LPIN1: variants seen among roughly 807,000 people sequenced by gnomAD.
LPIN1 encodes phosphatidate phosphatase LPIN1.
In LPIN1, 71 loss-of-function variants were observed where a neutral mutation model predicts 107.5. The observed-to-expected ratio is 0.66, with a 90% CI of 0.55 to 0.80. LPIN1 has a LOEUF of 0.80. LPIN1 is among the 30% of genes least tolerant of loss of function. The probability of loss-of-function intolerance (pLI) is 0.00; values close to 1 mark genes in which losing one functional copy is unlikely to be tolerated. For missense variants in LPIN1, 1,043 were observed against 1,160.6 expected (o/e 0.90, Z 1.47); for synonymous variants, 445 against 452.6 (o/e 0.98, Z 0.21).
At chr2:11,763,498 T>C (rs988038235) in intron 1 of LPIN1, among the ~76,000 whole-genome samples, 2 of 152,214 alleles carry the variant, frequency 1.3e-5, no homozygotes, top group African/African-American at 4.8e-5. Flanking sequence ...TCTCTTGGCC[T>C]GTCCCTTTCC....
At chr2:11,763,712 C>T (rs1670224647) in intron 1 of LPIN1, among the ~76,000 whole-genome samples, 2 of 152,004 alleles carry the variant, frequency 1.3e-5, no homozygotes, top group African/African-American at 4.8e-5. Context: ...CGGTTTCGCA[C>T]TCTCCATTCT....
At chr2:11,746,574 C>T, upstream of LPIN1, 2 of 902,934 alleles carry the variant, frequency 2.2e-6, no homozygotes, top group Non-Finnish European at 2.7e-6. Context: ...CTGCCCTCTG[C>T]CCCCGCCCCT....
At chr2:11,749,963 G>A (rs567011226) in intron 1 of LPIN1, among the ~76,000 whole-genome samples, 37 of 152,344 alleles carry the variant, frequency 2.4e-4, no homozygotes, top group African/African-American at 8.9e-4. Flanking sequence ...GCTCTGTAAG[G>A]AGGCCTGTTT....
intron 17 of LPIN1, chr2:11,805,473 A>G: frequency 4.2e-6 from 2 of 475,748 alleles, no homozygotes; most frequent in East Asian, 8.1e-5. Flanking sequence ...AGAGGTAGCC[A>G]GTTGAAGAAA....
At chr2:11,813,896 A>G (rs543019403) in intron 17 of LPIN1, among the ~76,000 whole-genome samples, 15 of 152,162 alleles carry the variant, frequency 9.9e-5, no homozygotes, top group Non-Finnish European at 1.6e-4. Flanking sequence ...CCTGGGGGAC[A>G]GAGCAAGACT....
At chr2:11,804,781 C>T (rs1295822756) in intron 16 of LPIN1, among the ~76,000 whole-genome samples, 2 of 152,080 alleles carry the variant, frequency 1.3e-5, no homozygotes, top group Admixed American at 6.5e-5. Flanking sequence ...ATTATCTCTT[C>T]GACTTGGTTG....
chr2:11,688,090 C>T (rs1338977867), intron 1 of LPIN1, among the ~76,000 whole-genome samples: 1 of 152,214 alleles, frequency 6.6e-6, no homozygotes, highest in African/African-American at 2.4e-5. Flanking sequence ...GGAGTTGAGC[C>T]TCTCCATAGT....
rs148004133 is a variant in LPIN1 at position 11,748,325 on chromosome 2, C to T, written c.-10+1654C>T. 9.6e-4 allele frequency among the ~76,000 whole-genome samples: 146 copies of T among 152,298 alleles called. 3 individuals are homozygous for T. The East Asian group carries it at 0.025, about 26-fold the overall frequency. ...TTTCAGAAGAAGGTCCTGAGGCCACCGTGGTCTGAGATGCGCCGAGGCCGG... is the reference window on the plus strand; with the variant it reads ...TTTCAGAAGAAGGTCCTGAGGCCACTGTGGTCTGAGATGCGCCGAGGCCGG... On this transcript the variant is annotated intron_variant, in intron 1 of 20. Coordinates refer to ENST00000674199, the MANE Select transcript of LPIN1 (RefSeq NM_001349206.2).
intron 1 of LPIN1, among the ~76,000 whole-genome samples, chr2:11,700,993 A>G (rs1162559244): frequency 6.6e-6 from 1 of 152,070 alleles, no homozygotes; most frequent in Non-Finnish European, 1.5e-5. Flanking sequence ...GCAGAGTCTA[A>G]TCTCTGTGCA....
chr2:11,752,612 T>C, intron 1 of LPIN1, among the ~76,000 whole-genome samples: 1 of 150,576 alleles, frequency 6.6e-6, no homozygotes, highest in Non-Finnish European at 1.5e-5. Context: ...TTTGTATTTT[T>C]AGTAGAGACG....
upstream of LPIN1, among the ~76,000 whole-genome samples, chr2:11,722,975 C>T (rs538864121): frequency 6.6e-6 from 1 of 152,314 alleles, no homozygotes; most frequent in African/African-American, 2.4e-5. Context: ...TTACTAGAAC[C>T]TACTACCCTG....
intron 17 of LPIN1, among the ~76,000 whole-genome samples, chr2:11,811,145 T>C (rs977155296): frequency 1.3e-5 from 2 of 152,204 alleles, no homozygotes; most frequent in African/African-American, 4.8e-5. Context: ...GGCTGTGCCA[T>C]GCCCTGTGCG....
intron 4 of LPIN1, among the ~76,000 whole-genome samples, chr2:11,772,082 T>A (rs1185732437): frequency 6.6e-6 from 1 of 152,138 alleles, no homozygotes; most frequent in African/African-American, 2.4e-5. Context: ...GCAGCCCAGA[T>A]CCCTCACATG....
intron 5 of LPIN1, among the ~76,000 whole-genome samples, chr2:11,775,158 A>C (rs10205400): frequency 0.58 from 87,825 of 152,018 alleles, 26,522 homozygotes; most frequent in African/African-American, 0.73. Flanking sequence ...CAATTTGGAC[A>C]AGCCACGTTT....
rs560869432 is a variant in LPIN1 at position 11,773,516 on chromosome 2, T to C, written c.597-104T>C. The stretch of plus-strand genomic sequence containing the variant: ...CAGATCTGGGTGTTTAAAGAGATCA[T>C]GTTAATTACAAAGCACTTAGAGCTA... On this transcript the variant is annotated intron_variant, in intron 4 of 20. Transcript: ENST00000674199. 1.3e-3 allele frequency: 1,254 copies of C among 975,926 alleles called. 12 individuals are homozygous for C. Among genetic ancestry groups the C allele is most frequent in the South Asian group, 0.01 (764 of 76,206 alleles). 60.5% of individuals were successfully genotyped at this position (975,926 alleles called of 1,614,324 possible). A position where few individuals can be genotyped will look rare whatever the true frequency, so the allele number is the denominator to read the frequency against.
chr2:11,795,241 G>A lies in LPIN1; in HGVS notation c.1807-167G>A, dbSNP rs545841532. On this transcript the variant is annotated intron_variant, in intron 13 of 20. Transcript: ENST00000674199. ...AGCAAAGTTGAGATCAGGACCCACC[G>A]AAACAAACACAGCCAGAGCCTCCTG... is the stretch of plus-strand genomic sequence containing the variant. Among the ~76,000 whole-genome samples the A allele has an allele frequency of 2.6e-5, 4 of 152,244 alleles. No homozygotes were observed. In the South Asian group the frequency reaches 6.2e-4, roughly 24 times the overall value.
At chr2:11,812,133 A>G (rs765740095) in intron 17 of LPIN1, among the ~76,000 whole-genome samples, 33 of 152,244 alleles carry the variant, frequency 2.2e-4, no homozygotes, top group Non-Finnish European at 4.0e-4. Flanking sequence ...GCAATTTTCG[A>G]AACAAATCCA....
intron 14 of LPIN1, among the ~76,000 whole-genome samples, chr2:11,799,657 C>T (rs911293991): frequency 1.3e-5 from 2 of 151,986 alleles, no homozygotes; most frequent in Non-Finnish European, 2.9e-5. Flanking sequence ...CACTGAGGCC[C>T]AGGGAGGAAT....
rs530263676 is a variant in LPIN1 at position 11,755,825 on chromosome 2, G to A, written c.-10+9154G>A. 1.7e-4 allele frequency among the ~76,000 whole-genome samples: 26 copies of A among 151,636 alleles called. No homozygotes were observed. In the East Asian group the frequency reaches 4.5e-3, roughly 26 times the overall value. On this transcript the variant is annotated intron_variant, in intron 1 of 20. Coordinates refer to ENST00000674199, the MANE Select transcript of LPIN1 (RefSeq NM_001349206.2). ...CAAGCTGCGCCTCCTGGGTTCAAGC[G>A]ACTCTCCTGCCTCAGCCTCCTGAGT...
Sources: gnomAD v4.1 joint callset for allele counts (sites outside exome capture counted in the v4.1 genomes callset) on GRCh38, gnomAD v4.1.1 for gene constraint, MANE v1.5 for transcripts, NCBI Gene and HGNC (gene_info 2026-07-23, HGNC 2026-07-21) for gene names.